Variants in TMEM45B observed in about 807,000 individuals in gnomAD.
The protein encoded by TMEM45B is transmembrane protein 45B.
Under a neutral mutation model 27.3 loss-of-function variants are expected in TMEM45B, and 29 were observed. The ratio of observed to expected loss-of-function variants is 1.06; its 90% CI spans 0.79 to 1.45. The LOEUF is 1.45. Ranked by LOEUF, TMEM45B falls within the 40% of genes most tolerant of loss-of-function variation. The pLI, the probability that TMEM45B is intolerant of heterozygous loss-of-function variation, is 0.00. For missense variants in TMEM45B, 348 were observed against 343.9 expected, an observed-to-expected ratio of 1.01 and a Z score of -0.09; for synonymous variants, 143 against 134.7, an observed-to-expected ratio of 1.06 and a Z score of -0.43.
chr11:129,823,603 T>G (rs780785719), intron 1 of TMEM45B, among the ~76,000 whole-genome samples: 1 of 152,166 alleles, frequency 6.6e-6, no homozygotes, highest in Non-Finnish European at 1.5e-5. Context: ...CCCTTGCTAT[T>G]TCCTCTGTTT....
chr11:129,830,906 A>G (rs1381641088), intron 1 of TMEM45B, among the ~76,000 whole-genome samples: 1 of 152,236 alleles, frequency 6.6e-6, no homozygotes, highest in East Asian at 1.9e-4. Context: ...AATGTTAAAC[A>G]TAGAGTTACC....
intron 1 of TMEM45B, among the ~76,000 whole-genome samples, chr11:129,850,001 TA>T (rs1404546635): frequency 3.9e-5 from 6 of 152,126 alleles, no homozygotes; most frequent in African/African-American, 1.4e-4. Flanking sequence ...CTAACCTGCT[TA>T]TCAGTCCTGT....
intron 2 of TMEM45B, chr11:129,852,972 C>A (rs367962853): frequency 4.5e-6 from 1 of 223,050 alleles, no homozygotes; most frequent in Non-Finnish European, 8.7e-6. Flanking sequence ...GAGAAAAAAA[C>A]AAAATAGATT....
chr11:129,826,548 C>CACAAA (rs765482228), intron 1 of TMEM45B, among the ~76,000 whole-genome samples: 45 of 17,816 alleles, frequency 2.5e-3, no homozygotes, highest in South Asian at 0.012. Context: ...GACTCTGTCA[C>CACAAA]AAAAAAAAAA....
intron 1 of TMEM45B, among the ~76,000 whole-genome samples, chr11:129,841,592 G>T (rs111880035): frequency 0.16 from 20,225 of 124,252 alleles, 1,675 homozygotes; most frequent in South Asian, 0.3. Flanking sequence ...TTGTTTTTTT[G>T]TTTTTTTTTT....
intron 1 of TMEM45B, among the ~76,000 whole-genome samples, chr11:129,843,591 A>C (rs1400698390): frequency 6.8e-6 from 1 of 147,370 alleles, no homozygotes; most frequent in Admixed American, 7.1e-5. Flanking sequence ...TAGGCAATAA[A>C]TTTTCTGCTT....
intron 1 of TMEM45B, among the ~76,000 whole-genome samples, chr11:129,848,981 G>A (rs980491634): frequency 3.9e-5 from 6 of 152,138 alleles, no homozygotes; most frequent in East Asian, 1.9e-4. Context: ...CTATCACACC[G>A]GCAACACCTG....
At chr11:129,827,664 G>A (rs1394860087) in intron 1 of TMEM45B, among the ~76,000 whole-genome samples, 12 of 152,102 alleles carry the variant, frequency 7.9e-5, no homozygotes, top group African/African-American at 2.2e-4. Flanking sequence ...TTAGCCAGGC[G>A]TGGTGGTGCG....
rs754701486 is a variant in TMEM45B at position 129,857,366 on chromosome 11, T to C, written c.624T>C (p.Asp208=). 3.1e-6 allele frequency: 5 copies of C among 1,614,198 alleles called. No individual in the cohort carries two copies. The highest frequency in any genetic ancestry group is 3.4e-6 in the Non-Finnish European group (4 of 1,180,030). The part of the protein sequence containing the change: ...PFGTPEWDQK[D]DANLMFITMC... The stretch of plus-strand genomic sequence containing the variant: ...GAACACCCGAATGGGACCAGAAGGA[T>C]GATGCCAACCTCATGTTCATCACCA... Residue 208 remains aspartate (D), a synonymous_variant, in exon 5 of 6, where the codon GAT becomes GAC. Coordinates refer to ENST00000281441, the MANE Select transcript of TMEM45B (RefSeq NM_138788.5).
chr11:129,834,731 A>G (rs1360821644), intron 1 of TMEM45B, among the ~76,000 whole-genome samples: 1 of 151,264 alleles, frequency 6.6e-6, no homozygotes, highest in East Asian at 1.9e-4. Context: ...TAATTGCTTG[A>G]GCCTGGGAGG....
At chr11:129,841,592 GTTT>G (rs567723417) in intron 1 of TMEM45B, among the ~76,000 whole-genome samples, 1 of 124,598 alleles carries the variant, frequency 8.0e-6, no homozygotes, top group Non-Finnish European at 1.6e-5. Context: ...TTGTTTTTTT[GTTT>G]TTTTTTTTTT....
At chr11:129,822,415 G>A (rs928683452) in intron 1 of TMEM45B, among the ~76,000 whole-genome samples, 1 of 152,146 alleles carries the variant, frequency 6.6e-6, no homozygotes, top group Non-Finnish European at 1.5e-5. Flanking sequence ...TGTGAGCATG[G>A]CTTGTAGGTT....
intron 1 of TMEM45B, among the ~76,000 whole-genome samples, chr11:129,848,583 T>A (rs11607337): frequency 0.063 from 9,572 of 152,174 alleles, 424 homozygotes; most frequent in Non-Finnish European, 0.099. Flanking sequence ...ATGTGTAAGA[T>A]GTGAAACAGC....
At chr11:129,845,778 G>T (rs376502283) in intron 1 of TMEM45B, among the ~76,000 whole-genome samples, 59 of 152,182 alleles carry the variant, frequency 3.9e-4, no homozygotes, top group African/African-American at 1.4e-3. Context: ...TTTATGCATA[G>T]TTTTGGGAAT....
chr11:129,843,386 T>C (rs1277643684), intron 1 of TMEM45B, among the ~76,000 whole-genome samples: 1 of 152,240 alleles, frequency 6.6e-6, no homozygotes, highest in Non-Finnish European at 1.5e-5. Flanking sequence ...TCTTTGTGTT[T>C]TAATAATTGT....
chr11:129,839,462 T>C (rs529184112), intron 1 of TMEM45B, among the ~76,000 whole-genome samples: 2 of 152,302 alleles, frequency 1.3e-5, no homozygotes, highest in South Asian at 2.1e-4. Flanking sequence ...TTCTATCTCA[T>C]GTGAAATTTA....
At position 129,854,831 on chromosome 11, in the gene TMEM45B, C is replaced by T. The variant is rs768152205; in HGVS notation, c.385+15C>T. On this transcript the variant is annotated intron_variant, in intron 3 of 5. Transcript: ENST00000281441. Reference sequence around the variant, plus strand: ...ATTCATGGAAGGTAATTTTGTGGAACGGATGGAGAGGAAGGAGAGCCTGAC... The same window carrying T: ...ATTCATGGAAGGTAATTTTGTGGAATGGATGGAGAGGAAGGAGAGCCTGAC... 14 of 1,609,422 alleles carry T rather than the reference C, an allele frequency of 8.7e-6. No homozygotes were observed. In the East Asian group the frequency reaches 1.6e-4, roughly 18 times the overall value.
chr11:129,826,563 A>AG lies in TMEM45B; in HGVS notation c.-9+10665_-9+10666insG, dbSNP rs1328320539. Among the ~76,000 whole-genome samples the AG allele has an allele frequency of 9.0e-5, 12 of 133,644 alleles. 2 individuals carry two copies. Among genetic ancestry groups the AG allele is most frequent in the South Asian group, 2.7e-4 (1 of 3,726 alleles). The allele number at this position is 133,644 out of a possible 152,430, so 87.7% of individuals were successfully genotyped here. ...GACTCTGTCACAAAAAAAAAAAAAA[A>AG]AAAAAGGACCCTGAGAGGCTATGTG... is the stretch of plus-strand genomic sequence containing the variant. On this transcript the variant is annotated intron_variant, in intron 1 of 5. Coordinates refer to ENST00000281441, the MANE Select transcript of TMEM45B (RefSeq NM_138788.5).
Position 129,855,822 on chromosome 11 carries a change from T to G in TMEM45B, c.500T>G (p.Phe167Cys). The change falls in exon 4 of 6, where the codon TTC becomes TGC. Residue 167 changes from phenylalanine (F) to cysteine (C), a missense_variant. By Grantham distance (205) the Phe-to-Cys change is radical. Transcript: ENST00000281441. ...GCVSISLEVI[F>C]RDHIVLELFR... ...GTTAGTATCTCCCTAGAGGTGATCT[T>G]CCGGGACCACATTGTGCTGGAACTT... 1 of 1,614,202 alleles carries G rather than the reference T, an allele frequency of 6.2e-7. No homozygotes were observed. Among genetic ancestry groups the G allele is most frequent in the South Asian group, 1.1e-5 (1 of 91,086 alleles).
Sources: allele counts gnomAD v4.1 joint callset (sites outside exome capture counted in the v4.1 genomes callset), GRCh38; gene constraint gnomAD v4.1.1; transcripts MANE v1.5; gene names NCBI Gene and HGNC (gene_info 2026-07-23, HGNC 2026-07-21).